CTNND2: variants seen among roughly 807,000 people sequenced by gnomAD.
The protein encoded by CTNND2 is catenin delta-2.
Under a neutral mutation model 144.4 loss-of-function variants are expected in CTNND2, and 22 were observed. The ratio of observed to expected loss-of-function variants is 0.15; its 90% CI spans 0.11 to 0.22. CTNND2 has a LOEUF of 0.22. CTNND2 is among the 10% of genes least tolerant of loss of function. CTNND2 has a pLI of 1.00. For synonymous variants in CTNND2, 751 were observed against 695.6 expected, an observed-to-expected ratio of 1.08 and a Z score of -1.25; for missense variants, 1,353 against 1,618.8, an observed-to-expected ratio of 0.84 and a Z score of 2.82.
rs867746027 is a variant in CTNND2 at position 11,312,742 on chromosome 5, C to G, written c.1628+33630G>C. 2.8e-3 allele frequency among the ~76,000 whole-genome samples: 141 copies of G among 51,112 alleles called. 1 individual carries two copies. The highest frequency in any genetic ancestry group is 6.5e-3 in the African/African-American group (136 of 20,828). The allele number at this position is 51,112 out of a possible 152,430, so 33.5% of individuals were successfully genotyped here. ...CAGCCTTAAACATTCACACCCACCC[C>G]GTGCTCTCACAGAAACATGCTCTTA... On this transcript the variant is annotated intron_variant, in intron 9 of 21. Transcript: ENST00000304623.
At chr5:11,226,590 A>G (rs1018504250) in intron 10 of CTNND2, among the ~76,000 whole-genome samples, 2 of 152,246 alleles carry the variant, frequency 1.3e-5, no homozygotes, top group African/African-American at 4.8e-5. Context: ...CAACAAAGAG[A>G]GAATTTGTTC....
chr5:11,241,197 T>C (rs754198480), intron 9 of CTNND2, among the ~76,000 whole-genome samples: 4 of 152,190 alleles, frequency 2.6e-5, no homozygotes, highest in Admixed American at 6.5e-5. Flanking sequence ...TCCTTCTCCA[T>C]GCTGCTAACC....
intron 9 of CTNND2, 27 bp downstream of exon 9, chr5:11,346,345 T>A: frequency 7.1e-7 from 1 of 1,414,086 alleles, no homozygotes; most frequent in Non-Finnish European, 9.3e-7. Flanking sequence ...TTAGACATCA[T>A]AGGGAAAGAA....
chr5:11,159,701 G>A lies in CTNND2; in HGVS notation c.2034C>T (p.Ala678=). ...DALKMPIIQD[A]LAVLTNAVII... ...TCACCGCGTTGGTCAGTACTGCTAG[G>A]GCATCCTGGATGATTGGCATTTTGA... is the stretch of plus-strand genomic sequence containing the variant. Residue 678 remains alanine, a synonymous_variant, in exon 12 of 22, where the codon GCC becomes GCT. Coordinates refer to ENST00000304623, the MANE Select transcript of CTNND2 (RefSeq NM_001332.4). The A allele has an allele frequency of 6.2e-7, 1 of 1,611,688 alleles. No homozygotes were observed. Among genetic ancestry groups the A allele is most frequent in the Non-Finnish European group, 8.5e-7 (1 of 1,179,032 alleles).
chr5:11,506,317 T>G (rs1263954827), intron 3 of CTNND2, among the ~76,000 whole-genome samples: 1 of 152,202 alleles, frequency 6.6e-6, no homozygotes, highest in African/African-American at 2.4e-5. Context: ...TTTTCTTACC[T>G]ACAACACAGG....
Position 11,553,421 on chromosome 5 carries a change from A to G in CTNND2, c.287+11523T>C, listed in dbSNP as rs145762803. Among the ~76,000 whole-genome samples the G allele has an allele frequency of 2.6e-5, 4 of 152,346 alleles. No individual in the cohort carries two copies. In the East Asian group the frequency reaches 7.7e-4, roughly 29 times the overall value. On this transcript the variant is annotated intron_variant, in intron 3 of 21. Coordinates refer to ENST00000304623, the MANE Select transcript of CTNND2 (RefSeq NM_001332.4). Reference sequence around the variant, plus strand: ...AAAAATTAGAAAAGAGACTTCAATGAAAGATGTTCTGTGTATTCATCAAAA... The same window carrying G: ...AAAAATTAGAAAAGAGACTTCAATGGAAGATGTTCTGTGTATTCATCAAAA...
intron 10 of CTNND2, among the ~76,000 whole-genome samples, chr5:11,231,290 G>C (rs1169428486): frequency 3.3e-5 from 5 of 152,132 alleles, no homozygotes; most frequent in African/African-American, 1.2e-4. Context: ...AAACAGACTT[G>C]AAAACATGGA....
intron 3 of CTNND2, among the ~76,000 whole-genome samples, chr5:11,416,936 T>C (rs538705863): frequency 1.3e-5 from 2 of 152,270 alleles, no homozygotes; most frequent in African/African-American, 4.8e-5. Flanking sequence ...ACCTAGTGAC[T>C]GTGAGAAAAA....
chr5:11,326,292 T>A (rs956061929), intron 9 of CTNND2, among the ~76,000 whole-genome samples: 9 of 152,210 alleles, frequency 5.9e-5, no homozygotes, highest in African/African-American at 2.2e-4. Flanking sequence ...TTGGTTTTTA[T>A]AGATGCAAGA....
Position 11,211,996 on chromosome 5 carries a change from G to A in CTNND2, c.1762-12335C>T, listed in dbSNP as rs576380250. On this transcript the variant is annotated intron_variant, in intron 10 of 21. Coordinates refer to ENST00000304623, the MANE Select transcript of CTNND2 (RefSeq NM_001332.4). ...GACTTTCATTAAACCGGTAAAAATT[G>A]TATAGAATATAATTTGCTTTATTAT... 3.3e-5 allele frequency among the ~76,000 whole-genome samples: 5 copies of A among 152,056 alleles called. No individual in the cohort carries two copies. The South Asian group carries it at 8.3e-4, about 25-fold the overall frequency.
chr5:11,054,396 T>C (rs1285517005), intron 16 of CTNND2, among the ~76,000 whole-genome samples: 1 of 151,826 alleles, frequency 6.6e-6, no homozygotes, highest in Non-Finnish European at 1.5e-5. Context: ...TGTACAACAA[T>C]GCCCAACACT....
intron 6 of CTNND2, among the ~76,000 whole-genome samples, chr5:11,388,337 A>T (rs1301362522): frequency 1.3e-5 from 2 of 152,338 alleles, no homozygotes; most frequent in East Asian, 3.9e-4. Context: ...AATGTTCTCA[A>T]TCCGTACTGC....
intron 10 of CTNND2, among the ~76,000 whole-genome samples, chr5:11,213,401 A>G (rs1224364062): frequency 6.6e-6 from 1 of 152,062 alleles, no homozygotes; most frequent in East Asian, 1.9e-4. Context: ...TGTCAACCTT[A>G]TTTTTTCACA....
chr5:11,240,564 AACAC>A (rs1294103951), intron 9 of CTNND2, among the ~76,000 whole-genome samples: 6 of 83,136 alleles, frequency 7.2e-5, no homozygotes, highest in East Asian at 3.9e-4. Flanking sequence ...ACACACTCAA[AACAC>A]ACACCCAACA....
chr5:11,286,052 GA>G (rs958837179), intron 9 of CTNND2, among the ~76,000 whole-genome samples: 6 of 129,950 alleles, frequency 4.6e-5, no homozygotes, highest in East Asian at 2.1e-4. Context: ...ATATCCACAT[GA>G]AAAAAAAAAC....
chr5:11,774,035 A>G (rs1298818012), intron 1 of CTNND2, among the ~76,000 whole-genome samples: 1 of 152,150 alleles, frequency 6.6e-6, no homozygotes, highest in Non-Finnish European at 1.5e-5. Context: ...TCATACATTA[A>G]TCTGTAGAAT....
At chr5:11,000,372 T>C (rs534719768) in intron 18 of CTNND2, among the ~76,000 whole-genome samples, 232 of 152,110 alleles carry the variant, frequency 1.5e-3, no homozygotes, top group African/African-American at 5.3e-3. Context: ...AACACAAAAA[T>C]TAGCTGGGCG....
In CTNND2 at chr5:10,988,023, A is replaced by G; in HGVS notation, c.3343+88T>C. 2 of 1,552,880 alleles carry G rather than the reference A, an allele frequency of 1.3e-6. No homozygotes were observed. Among genetic ancestry groups the G allele is most frequent in the Non-Finnish European group, 1.8e-6 (2 of 1,141,464 alleles). ...TCCTGCTCAGCAGCCAAGCGCAGCC[A>G]GCCCCGTGAAGCCTGATGTCCCATA... On this transcript the variant is annotated intron_variant, in intron 20 of 21. Coordinates refer to ENST00000304623, the MANE Select transcript of CTNND2 (RefSeq NM_001332.4). The surrounding 1 kb of genome is among the most constrained non-coding windows in gnomAD (Gnocchi z 5.9).
intron 3 of CTNND2, among the ~76,000 whole-genome samples, chr5:11,554,350 G>A (rs569410338): frequency 1.3e-3 from 196 of 152,246 alleles, no homozygotes; most frequent in African/African-American, 4.6e-3. Flanking sequence ...ACAGACGAGA[G>A]ACATTTAGGT....
Sources: allele counts gnomAD v4.1 joint callset (sites outside exome capture counted in the v4.1 genomes callset), GRCh38; gene constraint gnomAD v4.1.1; non-coding constraint Gnocchi (gnomAD v3.1); transcripts MANE v1.5; gene names NCBI Gene and HGNC (gene_info 2026-07-23, HGNC 2026-07-21).